The following DOCK4 variants were observed in gnomAD, a reference collection of about 807,000 sequenced individuals.
DOCK4 encodes the protein dedicator of cytokinesis protein 4.
A neutral mutation model predicts 268.1 loss-of-function variants in DOCK4; 97 were observed. That is an observed-to-expected ratio of 0.36 (90% CI 0.31 to 0.43). The LOEUF is 0.43. Ranked by LOEUF, DOCK4 falls within the 20% of genes least tolerant of loss-of-function variation. The probability of loss-of-function intolerance (pLI) is 1.00; values close to 1 mark genes in which losing one functional copy is unlikely to be tolerated. For synonymous variants in DOCK4, 954 were observed against 887.2 expected (o/e 1.08, Z -1.34); for missense variants, 2,145 against 2,455.7 (o/e 0.87, Z 2.67).
chr7:111,924,924 T>A (rs1043517892), intron 12 of DOCK4, among the ~76,000 whole-genome samples: 15 of 152,118 alleles, frequency 9.9e-5, no homozygotes, highest in African/African-American at 3.6e-4. Flanking sequence ...ACTTTGTATG[T>A]TTGGGAGGTG....
At chr7:112,086,282 C>A (rs28562311) in intron 1 of DOCK4, among the ~76,000 whole-genome samples, 58,499 of 151,860 alleles carry the variant, frequency 0.39, 11,389 homozygotes, top group African/African-American at 0.41. Context: ...CACCACAGTT[C>A]ATGCCCATTT....
intron 1 of DOCK4, 52 bp downstream of exon 1, chr7:112,206,050 G>T: frequency 5.2e-6 from 8 of 1,547,538 alleles, no homozygotes; most frequent in Non-Finnish European, 7.0e-6. Flanking sequence ...GACGAGAAAT[G>T]CGCACTCGCT....
At chr7:111,846,959 A>G in intron 24 of DOCK4, 40 bp downstream of exon 24, 1 of 1,579,172 alleles carries the variant, frequency 6.3e-7, no homozygotes. Flanking sequence ...TCCAGAAGCC[A>G]TTTGAAGGGA....
intron 13 of DOCK4, among the ~76,000 whole-genome samples, chr7:111,913,559 G>A (rs1158439475): frequency 7.3e-5 from 11 of 151,374 alleles, no homozygotes; most frequent in East Asian, 2.0e-4. Context: ...ACAGGCGCCC[G>A]CCACCACGCC....
In DOCK4 at chr7:112,165,521, T is replaced by C. The variant is rs563486815; in HGVS notation, c.37+40581A>G. ...CATTGTTGTTCATGGTGGAATAGTA[T>C]ACGTGTGTGTGTGTGTGTGTGTGTG... On this transcript the variant is annotated intron_variant, in intron 1 of 52. Transcript: ENST00000428084. 2.9e-3 allele frequency among the ~76,000 whole-genome samples: 365 copies of C among 126,154 alleles called. 1 individual carries two copies. The highest frequency in any genetic ancestry group is 0.012 in the African/African-American group (348 of 29,868). The allele number at this position is 126,154 out of a possible 152,430, so 82.8% of individuals were successfully genotyped here. A position where few individuals can be genotyped will look rare whatever the true frequency, so the allele number is the denominator to read the frequency against.
chr7:112,069,881 G>A (rs999615745), intron 1 of DOCK4, among the ~76,000 whole-genome samples: 5 of 152,144 alleles, frequency 3.3e-5, no homozygotes, highest in Admixed American at 1.3e-4. Context: ...GAAGAGGGAA[G>A]AGCAAAGGAT....
intron 2 of DOCK4, among the ~76,000 whole-genome samples, chr7:112,003,311 C>G (rs1009105672): frequency 7.2e-5 from 11 of 151,900 alleles, no homozygotes; most frequent in Admixed American, 2.6e-4. Context: ...TCCCTTGAGC[C>G]CAGGAGATCG....
intron 16 of DOCK4, among the ~76,000 whole-genome samples, chr7:111,887,232 C>T (rs1807923371): frequency 6.6e-6 from 1 of 152,160 alleles, no homozygotes; most frequent in Admixed American, 6.5e-5. Context: ...GGAGACAAGA[C>T]AAAATGCTCA....
intron 6 of DOCK4, 134 bp downstream of exon 6, chr7:111,988,881 A>G (rs2135211495): frequency 7.7e-7 from 1 of 1,294,556 alleles, no homozygotes; most frequent in African/African-American, 1.5e-5. Context: ...AGTTCGCACT[A>G]AGCCTCCAAA....
chr7:111,853,040 T>C (rs532258846), intron 23 of DOCK4, among the ~76,000 whole-genome samples: 1 of 152,146 alleles, frequency 6.6e-6, no homozygotes, highest in South Asian at 2.1e-4. Flanking sequence ...GTATAAGGAG[T>C]GACTCTCATT....
At chr7:112,143,944 C>T (rs1586912950) in intron 1 of DOCK4, among the ~76,000 whole-genome samples, 1 of 152,224 alleles carries the variant, frequency 6.6e-6, no homozygotes, top group Non-Finnish European at 1.5e-5. Context: ...GGATTGTAAA[C>T]TTTTCAAGGC....
chr7:111,731,089 C>CTA (rs1284191990), intron 52 of DOCK4, among the ~76,000 whole-genome samples: 1 of 152,156 alleles, frequency 6.6e-6, no homozygotes, highest in African/African-American at 2.4e-5. Context: ...AGGTGACAGG[C>CTA]TATGACTTCC....
intron 1 of DOCK4, among the ~76,000 whole-genome samples, chr7:112,141,485 A>G (rs1447732916): frequency 2.6e-5 from 4 of 152,314 alleles, no homozygotes; most frequent in Admixed American, 2.6e-4. Flanking sequence ...GCCTCATCCA[A>G]TCAGTTGAAA....
chr7:112,037,480 C>T (rs974756427), intron 1 of DOCK4, among the ~76,000 whole-genome samples: 1 of 152,154 alleles, frequency 6.6e-6, no homozygotes, highest in African/African-American at 2.4e-5. Flanking sequence ...CATAGGCAAC[C>T]ACTGTTCTGA....
At chr7:111,796,767 T>C (rs1027631094) in intron 30 of DOCK4, among the ~76,000 whole-genome samples, 22 of 152,206 alleles carry the variant, frequency 1.4e-4, no homozygotes, top group South Asian at 4.1e-4. Flanking sequence ...ATCCATTTTT[T>C]AGAAAGCCAG....
chr7:112,168,154 A>G (rs1271516015), intron 1 of DOCK4, among the ~76,000 whole-genome samples: 1 of 152,230 alleles, frequency 6.6e-6, no homozygotes, highest in African/African-American at 2.4e-5. Context: ...GTATTAATCA[A>G]GTTTTAAACT....
At chr7:111,888,512 C>G (rs1808029908) in intron 16 of DOCK4, among the ~76,000 whole-genome samples, 1 of 151,988 alleles carries the variant, frequency 6.6e-6, no homozygotes, top group Admixed American at 6.6e-5. Context: ...ATCCACCCAT[C>G]TATCTAATCA....
intron 1 of DOCK4, among the ~76,000 whole-genome samples, chr7:112,140,186 A>T (rs2116258783): frequency 6.6e-6 from 1 of 152,220 alleles, no homozygotes; most frequent in East Asian, 1.9e-4. Flanking sequence ...AACCAAGGAT[A>T]CTCAAGTAAA....
intron 1 of DOCK4, among the ~76,000 whole-genome samples, chr7:112,053,419 A>C (rs1051780450): frequency 2.6e-5 from 4 of 152,166 alleles, no homozygotes; most frequent in Admixed American, 6.6e-5. Flanking sequence ...TTTTTCTGTA[A>C]GAAAAAAATT....
Sources: gnomAD v4.1 joint callset for allele counts (sites outside exome capture counted in the v4.1 genomes callset) on GRCh38, gnomAD v4.1.1 for gene constraint, MANE v1.5 for transcripts, NCBI Gene and HGNC (gene_info 2026-07-23, HGNC 2026-07-21) for gene names.